TAFA1: variants seen among roughly 807,000 people sequenced by gnomAD.
TAFA1 encodes chemokine-like protein TAFA-1.
TAFA1 carries 4 observed loss-of-function variants against 18.5 expected under a neutral mutation model. That is an observed-to-expected ratio of 0.22 (90% CI 0.11 to 0.49). The LOEUF is 0.49. TAFA1 is among the 20% of genes least tolerant of loss of function. The pLI, the probability that TAFA1 is intolerant of heterozygous loss-of-function variation, is 0.98. For missense variants in TAFA1, 147 were observed against 169.0 expected (o/e 0.87, Z 0.72); for synonymous variants, 56 against 55.2 (o/e 1.01, Z -0.06).
chr3:68,417,380 A>C lies in TAFA1; in HGVS notation c.219A>C (p.Lys73Asn). The C allele has an allele frequency of 1.2e-6, 2 of 1,613,584 alleles. No individual in the cohort carries two copies. The highest frequency in any genetic ancestry group is 1.7e-6 in the Non-Finnish European group (2 of 1,179,690). Residue 73 changes from lysine (K) to asparagine (N), a missense_variant, in exon 3 of 5, where the codon AAA becomes AAC. By Grantham distance (94) the Lys-to-Asn change is moderately conservative. Transcript: ENST00000478136. ...TAAAGTGTTCCTGTCTACCTGGAAA[A>C]GTGGCTGGAACAACAAGAAACCGGC... Reference protein sequence around the residue: ...QTVKCSCLPGKVAGTTRNRPS... With the variant: ...QTVKCSCLPGNVAGTTRNRPS...
At chr3:68,179,966 A>C (rs1463841375) in intron 2 of TAFA1, among the ~76,000 whole-genome samples, 1 of 151,026 alleles carries the variant, frequency 6.6e-6, no homozygotes, top group Non-Finnish European at 1.5e-5. Flanking sequence ...GTGTACACCA[A>C]ATTTTGACGC....
chr3:68,208,659 C>G (rs1352322617), intron 2 of TAFA1, among the ~76,000 whole-genome samples: 1 of 151,958 alleles, frequency 6.6e-6, no homozygotes, highest in Non-Finnish European at 1.5e-5. Context: ...ATATTTTAAC[C>G]TCTATCTTTT....
intron 2 of TAFA1, among the ~76,000 whole-genome samples, chr3:68,395,194 A>C (rs1288664604): frequency 2.0e-5 from 3 of 152,068 alleles, no homozygotes; most frequent in African/African-American, 4.8e-5. Context: ...TATGAAAAAA[A>C]AACTCATCAC....
chr3:68,473,915 G>A (rs953368556), intron 3 of TAFA1, among the ~76,000 whole-genome samples: 27 of 152,050 alleles, frequency 1.8e-4, no homozygotes, highest in African/African-American at 6.3e-4. Context: ...GGGCCTAATA[G>A]TGCCTGAAAC....
chr3:67,998,706 G>A, the TAFA1 span, among the ~76,000 whole-genome samples: 1 of 152,218 alleles, frequency 6.6e-6, no homozygotes, highest in Admixed American at 6.5e-5. Context: ...GCCGTGAGGA[G>A]ACACCTGCCT....
At chr3:68,310,403 C>T (rs2106675498) in intron 2 of TAFA1, among the ~76,000 whole-genome samples, 1 of 152,222 alleles carries the variant, frequency 6.6e-6, no homozygotes, top group South Asian at 2.1e-4. Context: ...ATGAATATTT[C>T]AGTACTTCAA....
chr3:67,995,669 G>A, the TAFA1 span, among the ~76,000 whole-genome samples: 1 of 152,300 alleles, frequency 6.6e-6, no homozygotes, highest in Non-Finnish European at 1.5e-5. Context: ...TGTCAATAGG[G>A]TGTGTTAGAA....
intron 2 of TAFA1, among the ~76,000 whole-genome samples, chr3:68,038,462 T>G (rs9866037): frequency 0.067 from 10,144 of 152,200 alleles, 465 homozygotes; most frequent in South Asian, 0.17. Context: ...GACAGTAAGC[T>G]GTCTGAGGCT....
intron 3 of TAFA1, among the ~76,000 whole-genome samples, chr3:68,519,444 C>A (rs375994364): frequency 3.3e-5 from 5 of 152,290 alleles, no homozygotes; most frequent in African/African-American, 9.6e-5. Flanking sequence ...CCCAAATGGA[C>A]AAAGCCAATT....
chr3:68,387,744 G>A (rs77797134), intron 2 of TAFA1, among the ~76,000 whole-genome samples: 1 of 151,978 alleles, frequency 6.6e-6, no homozygotes, highest in Non-Finnish European at 1.5e-5. Context: ...AGGTCCATCA[G>A]TAGTACATGT....
At chr3:68,315,426 C>A (rs768810302) in intron 2 of TAFA1, among the ~76,000 whole-genome samples, 4 of 152,040 alleles carry the variant, frequency 2.6e-5, no homozygotes, top group Admixed American at 2.6e-4. Context: ...TGCTGGGGCG[C>A]GGAAATAGTT....
At chr3:68,413,100 T>C (rs976555467) in intron 2 of TAFA1, among the ~76,000 whole-genome samples, 3 of 152,318 alleles carry the variant, frequency 2.0e-5, no homozygotes, top group African/African-American at 7.2e-5. Flanking sequence ...CTCATTGTGT[T>C]TTTGATTTGC....
chr3:68,081,627 G>A (rs559958581), intron 2 of TAFA1, among the ~76,000 whole-genome samples: 14 of 152,192 alleles, frequency 9.2e-5, no homozygotes, highest in Non-Finnish European at 1.6e-4. Context: ...GGCTGCTCGG[G>A]GGTCAGGGGT....
Position 68,307,561 on chromosome 3 carries a change from G to A in TAFA1, c.119-109719G>A, listed in dbSNP as rs534741328. ...TCAAACTTACTGTATATATGGCTTT[G>A]TCCAGTTCTTATTTGTGGTTTTATT... On this transcript the variant is annotated intron_variant, in intron 2 of 4. Coordinates refer to ENST00000478136, the MANE Select transcript of TAFA1 (RefSeq NM_213609.4). Among the ~76,000 whole-genome samples the A allele has an allele frequency of 8.5e-5, 13 of 152,130 alleles. No individual in the cohort carries two copies. The East Asian group carries it at 2.3e-3, about 27-fold the overall frequency.
In TAFA1 at chr3:68,367,987, G is replaced by T. The variant is rs188127197; in HGVS notation, c.119-49293G>T. 9.7e-4 allele frequency among the ~76,000 whole-genome samples: 148 copies of T among 152,210 alleles called. 1 individual carries two copies. The highest frequency in any genetic ancestry group is 1.9e-3 in the Admixed American group (29 of 15,278). ...AAACAAATTAACTCAAATGCAAACAGCTTATTTATATGTACATATTCCCAT... is the reference window on the plus strand; with the variant it reads ...AAACAAATTAACTCAAATGCAAACATCTTATTTATATGTACATATTCCCAT... On this transcript the variant is annotated intron_variant, in intron 2 of 4. Transcript: ENST00000478136.
chr3:68,046,659 C>T (rs894047249), intron 2 of TAFA1, among the ~76,000 whole-genome samples: 5 of 152,132 alleles, frequency 3.3e-5, no homozygotes. Context: ...TGGATTATCT[C>T]ATTTAATTCA....
intron 2 of TAFA1, among the ~76,000 whole-genome samples, chr3:68,292,702 G>A (rs1056928181): frequency 6.6e-6 from 1 of 151,900 alleles, no homozygotes; most frequent in Admixed American, 6.6e-5. Context: ...TAATTGTTTT[G>A]TTTTGTTTTG....
chr3:68,105,375 T>C (rs1395366507), intron 2 of TAFA1, among the ~76,000 whole-genome samples: 3 of 152,164 alleles, frequency 2.0e-5, no homozygotes, highest in Non-Finnish European at 4.4e-5. Context: ...CGTGTCAAAA[T>C]AATTTTTAGA....
chr3:68,362,522 A>G (rs558661854), intron 2 of TAFA1, among the ~76,000 whole-genome samples: 8 of 152,276 alleles, frequency 5.3e-5, no homozygotes, highest in African/African-American at 7.2e-5. Context: ...ACTTGATTTA[A>G]TACATATCTA....
Sources: gnomAD v4.1 joint callset for allele counts (sites outside exome capture counted in the v4.1 genomes callset) on GRCh38, gnomAD v4.1.1 for gene constraint, MANE v1.5 for transcripts, NCBI Gene and HGNC (gene_info 2026-07-23, HGNC 2026-07-21) for gene names.